GNG7: variants seen among roughly 807,000 people sequenced by gnomAD.
GNG7 encodes G protein subunit gamma 7.
Under a neutral mutation model 4.0 loss-of-function variants are expected in GNG7, and 1 was observed. The observed-to-expected ratio is 0.25, with a 90% confidence interval of 0.09 to 1.18. The LOEUF is 1.18. Ranked by LOEUF, GNG7 falls within the 50% of genes most tolerant of loss-of-function variation. GNG7 has a pLI of 0.50. For missense variants in GNG7, 86 were observed against 91.9 expected (o/e 0.94, Z 0.26); for synonymous variants, 34 against 36.9 (o/e 0.92, Z 0.29).
chr19:2,523,514 C>T (rs1978320848), intron 3 of GNG7, among the ~76,000 whole-genome samples: 1 of 151,800 alleles, frequency 6.6e-6, no homozygotes, highest in Non-Finnish European at 1.5e-5. Context: ...TTAGTGAGAC[C>T]CCATCTCTGA....
chr19:2,526,368 G>C (rs535487201), intron 3 of GNG7, among the ~76,000 whole-genome samples: 1 of 151,642 alleles, frequency 6.6e-6, no homozygotes, highest in African/African-American at 2.4e-5. Flanking sequence ...ACCTCCCAAA[G>C]TGCTGGGATT....
rs1464093259 is a variant in GNG7 at position 2,696,930 on chromosome 19, G to A, written c.-135+5716C>T. The stretch of plus-strand genomic sequence containing the variant: ...CCCAGGCTGGAGTGCAGTGCTCACC[G>A]CAACCTCCGCCTCCCAGGTTCAAGC... On this transcript the variant is annotated intron_variant, in intron 1 of 4. Coordinates refer to ENST00000382159, the MANE Select transcript of GNG7 (RefSeq NM_052847.3). Among the ~76,000 whole-genome samples, 6 of 152,250 alleles carry A rather than the reference G, an allele frequency of 3.9e-5. No individual in the cohort carries two copies. The East Asian group carries it at 7.7e-4, about 20-fold the overall frequency.
At chr19:2,597,016 T>C (rs944590631) in intron 2 of GNG7, among the ~76,000 whole-genome samples, 1 of 151,954 alleles carries the variant, frequency 6.6e-6, no homozygotes, top group Non-Finnish European at 1.5e-5. Flanking sequence ...CCCAGCACTT[T>C]TGGAGGCTGA....
chr19:2,574,335 T>C (rs1980243390), intron 2 of GNG7, among the ~76,000 whole-genome samples: 1 of 152,100 alleles, frequency 6.6e-6, no homozygotes, highest in Non-Finnish European at 1.5e-5. Context: ...TCTCCAGAAC[T>C]TTCTCCTCTT....
chr19:2,533,952 C>T (rs185440992), intron 3 of GNG7, among the ~76,000 whole-genome samples: 2 of 152,252 alleles, frequency 1.3e-5, no homozygotes, highest in African/African-American at 2.4e-5. Flanking sequence ...CTCCAACCAA[C>T]CCACAACAGA....
At chr19:2,577,512 A>AG (rs903837305) in intron 2 of GNG7, among the ~76,000 whole-genome samples, 1 of 151,956 alleles carries the variant, frequency 6.6e-6, no homozygotes, top group African/African-American at 2.4e-5. Context: ...AGGAACCAGC[A>AG]GGGGAGTGTC....
intron 3 of GNG7, among the ~76,000 whole-genome samples, chr19:2,531,473 C>A (rs1978583165): frequency 6.6e-6 from 1 of 152,086 alleles, no homozygotes; most frequent in Non-Finnish European, 1.5e-5. Context: ...TAAATCCCCT[C>A]TGGAGGAAAA....
chr19:2,568,618 C>G (rs566665957), intron 2 of GNG7, among the ~76,000 whole-genome samples: 41 of 150,120 alleles, frequency 2.7e-4, no homozygotes, highest in South Asian at 6.4e-4. Flanking sequence ...CACATATATA[C>G]ACATACACAC....
rs1979129299 is a variant in GNG7 at position 2,546,426 on chromosome 19, C to T, written c.-38+8723G>A. Reference sequence around the variant, plus strand: ...TGACCTCAAGGCAGGGCCGTGGGGCCCAGGGCTGCGGGCGGGAGGGCCTCT... The same window carrying T: ...TGACCTCAAGGCAGGGCCGTGGGGCTCAGGGCTGCGGGCGGGAGGGCCTCT... On this transcript the variant is annotated intron_variant, in intron 3 of 4. Transcript: ENST00000382159. The surrounding 1 kb of genome is among the most constrained non-coding windows in gnomAD (Gnocchi z 6.3). Among the ~76,000 whole-genome samples, 1 of 152,228 alleles carries T rather than the reference C, an allele frequency of 6.6e-6. No individual in the cohort carries two copies. The highest frequency in any genetic ancestry group is 3.2e-3 in the Middle Eastern group (1 of 316).
chr19:2,545,587 G>A (rs1599382718), intron 3 of GNG7, among the ~76,000 whole-genome samples: 3 of 148,978 alleles, frequency 2.0e-5, no homozygotes, highest in South Asian at 4.4e-4. Flanking sequence ...GGAGGCAGAG[G>A]TTGCAGTGAG....
intron 1 of GNG7, among the ~76,000 whole-genome samples, chr19:2,698,345 C>G (rs1913321001): frequency 6.6e-6 from 1 of 151,888 alleles, no homozygotes; most frequent in Non-Finnish European, 1.5e-5. Flanking sequence ...AGGTGGATCA[C>G]CTGAGGTCAG....
intron 1 of GNG7, among the ~76,000 whole-genome samples, chr19:2,659,610 A>AGAG (rs1555701399): frequency 1.6e-5 from 2 of 121,452 alleles, no homozygotes; most frequent in African/African-American, 6.5e-5. Flanking sequence ...AAAAAAAAAA[A>AGAG]AGAGAGGAGG....
At chr19:2,554,565 T>A (rs1368874503) in intron 3 of GNG7, among the ~76,000 whole-genome samples, 40 of 146,176 alleles carry the variant, frequency 2.7e-4, no homozygotes, top group African/African-American at 6.5e-4. Context: ...ATATATTTTT[T>A]TTTTTTTGAG....
rs1030058849 is a variant in GNG7 at position 2,609,740 on chromosome 19, C to A, written c.-78+36484G>T. Among the ~76,000 whole-genome samples the A allele has an allele frequency of 1.3e-5, 2 of 152,146 alleles. No homozygotes were observed. The highest frequency in any genetic ancestry group is 2.9e-5 in the Non-Finnish European group (2 of 68,028). On this transcript the variant is annotated intron_variant, in intron 2 of 4. Transcript: ENST00000382159. This position sits in a 1 kb window ranked among gnomAD's most constrained non-coding sequence, Gnocchi z 4.4. The stretch of plus-strand genomic sequence containing the variant: ...GTTACAGAGCCCCAGCAAACCATCA[C>A]GCTGGGTTAAAGGAACTGGTCCCCA...
chr19:2,513,189 G>A lies in GNG7; in HGVS notation c.*1833C>T, dbSNP rs181825272. The A allele has an allele frequency of 7.2e-5, 68 of 945,868 alleles. 2 individuals are homozygous for A. The East Asian group carries it at 3.6e-3, about 50-fold the overall frequency. 58.6% of individuals were successfully genotyped at this position (945,868 alleles called of 1,614,324 possible). ...GAGGTGGGAACCCTGGCAGTCACCA[G>A]CTCAGGAAGTGAGCCAAGCAGGGAT... On this transcript the variant is annotated 3_prime_UTR_variant, in exon 5 of 5. Transcript: ENST00000382159.
intron 3 of GNG7, among the ~76,000 whole-genome samples, chr19:2,544,327 G>A (rs1490163721): frequency 6.6e-6 from 1 of 152,184 alleles, no homozygotes; most frequent in African/African-American, 2.4e-5. Flanking sequence ...GGGCACCTGC[G>A]TCAATGTGCA....
intron 1 of GNG7, among the ~76,000 whole-genome samples, chr19:2,665,666 C>T (rs563512296): frequency 9.9e-5 from 15 of 152,098 alleles, no homozygotes; most frequent in African/African-American, 3.6e-4. Flanking sequence ...GACCTTCAGT[C>T]CCTTGCCACT....
chr19:2,657,399 T>TATATATATATATATATATACAC (rs1332253018), intron 1 of GNG7, among the ~76,000 whole-genome samples: 2 of 80,744 alleles, frequency 2.5e-5, no homozygotes, highest in Non-Finnish European at 4.7e-5. Context: ...TATATATATA[T>TATATATATATATATATATACAC]ACACATAATA....
chr19:2,590,412 T>C (rs1295733379), intron 2 of GNG7, among the ~76,000 whole-genome samples: 2 of 152,148 alleles, frequency 1.3e-5, no homozygotes, highest in Admixed American at 6.6e-5. Flanking sequence ...CTGTCGTCTA[T>C]ATCTATGTCT....
Sources: gnomAD v4.1 joint callset for allele counts (sites outside exome capture counted in the v4.1 genomes callset) on GRCh38, gnomAD v4.1.1 for gene constraint, Gnocchi (gnomAD v3.1) non-coding constraint, MANE v1.5 for transcripts, NCBI Gene and HGNC (gene_info 2026-07-23, HGNC 2026-07-21) for gene names.